The following LRP1B variants were observed in gnomAD, a reference collection of about 807,000 sequenced individuals.
The protein encoded by LRP1B is LDL receptor related protein 1B, also known as low-density lipoprotein receptor-related protein 1B.
In LRP1B, 217 loss-of-function variants were observed where a neutral mutation model predicts 556.6. The observed-to-expected ratio is 0.39, with a 90% CI of 0.35 to 0.44. The LOEUF (loss-of-function observed/expected upper bound fraction) is 0.44, where lower values mean the gene tolerates loss of function less well. Ranked by LOEUF, LRP1B falls within the 20% of genes least tolerant of loss-of-function variation. LRP1B has a pLI of 1.00. For missense variants in LRP1B, 5,053 were observed against 5,620.8 expected (o/e 0.90, Z 3.23); for synonymous variants, 2,047 against 1,865.8 (o/e 1.10, Z -2.50).
chr2:140,801,580 TA>T (rs1690513724), intron 32 of LRP1B, among the ~76,000 whole-genome samples: 1 of 69,900 alleles, frequency 1.4e-5, no homozygotes, highest in Admixed American at 1.5e-4. Context: ...CAAATCTTAC[TA>T]ATTTTTTTTT....
chr2:140,320,523 T>C (rs944486009), intron 82 of LRP1B, among the ~76,000 whole-genome samples: 13 of 152,014 alleles, frequency 8.6e-5, no homozygotes, highest in African/African-American at 3.1e-4. Context: ...AACCCTGCCA[T>C]GAATAATGTC....
chr2:140,414,318 T>G (rs1421172162), intron 66 of LRP1B, among the ~76,000 whole-genome samples: 3 of 152,204 alleles, frequency 2.0e-5, no homozygotes, highest in African/African-American at 7.2e-5. Flanking sequence ...AGTTATTTAG[T>G]TTCAGCTTCC....
chr2:141,897,614 C>T (rs886274073), intron 1 of LRP1B, among the ~76,000 whole-genome samples: 1 of 152,102 alleles, frequency 6.6e-6, no homozygotes, highest in South Asian at 2.1e-4. Flanking sequence ...TTTTCCAGTT[C>T]CATTTTGTCT....
intron 37 of LRP1B, among the ~76,000 whole-genome samples, chr2:140,712,342 G>T (rs12691557): frequency 0.19 from 29,318 of 151,698 alleles, 3,077 homozygotes; most frequent in African/African-American, 0.27. Flanking sequence ...TCCCCTTTTC[G>T]ACTGACTATG....
intron 83 of LRP1B, among the ~76,000 whole-genome samples, chr2:140,299,153 T>G (rs1683716939): frequency 6.6e-6 from 1 of 152,104 alleles, no homozygotes; most frequent in African/African-American, 2.4e-5. Context: ...TTACTAAGAC[T>G]TAAGTGTGAA....
At chr2:141,213,179 C>A (rs1226589376) in intron 6 of LRP1B, among the ~76,000 whole-genome samples, 3 of 151,648 alleles carry the variant, frequency 2.0e-5, no homozygotes, top group African/African-American at 7.3e-5. Context: ...CTTGAACCCC[C>A]AGGCTGATGT....
At chr2:141,335,451 T>C (rs1687814002) in intron 3 of LRP1B, among the ~76,000 whole-genome samples, 1 of 151,904 alleles carries the variant, frequency 6.6e-6, no homozygotes, top group Non-Finnish European at 1.5e-5. Context: ...TGAAATAGAG[T>C]AGTTTAGGGT....
At chr2:140,711,574 T>C (rs1484010895) in intron 37 of LRP1B, among the ~76,000 whole-genome samples, 3 of 129,624 alleles carry the variant, frequency 2.3e-5, no homozygotes, top group Non-Finnish European at 3.5e-5. Context: ...TTTTCTTTAC[T>C]ACCCGTACAT....
intron 27 of LRP1B, among the ~76,000 whole-genome samples, chr2:140,858,816 T>TAAG (rs76935959): frequency 0.014 from 2,152 of 152,234 alleles, 26 homozygotes; most frequent in Non-Finnish European, 0.023. Flanking sequence ...CTCCCACTTA[T>TAAG]AAGTGCGAAT....
At chr2:141,722,542 G>A (rs1214060890) in intron 2 of LRP1B, among the ~76,000 whole-genome samples, 1 of 152,092 alleles carries the variant, frequency 6.6e-6, no homozygotes, top group Non-Finnish European at 1.5e-5. Flanking sequence ...TATTTTCTAT[G>A]TAGAATAATA....
chr2:141,144,691 A>C (rs1422340913), intron 7 of LRP1B, among the ~76,000 whole-genome samples: 3 of 152,172 alleles, frequency 2.0e-5, no homozygotes, highest in Non-Finnish European at 4.4e-5. Flanking sequence ...TAAAAGTACC[A>C]TCAGGCACAA....
At chr2:141,151,018 T>C (rs1269168510) in intron 7 of LRP1B, among the ~76,000 whole-genome samples, 1 of 152,036 alleles carries the variant, frequency 6.6e-6, no homozygotes, top group Non-Finnish European at 1.5e-5. Context: ...ACTATTTTAG[T>C]AGTAGAGATA....
At chr2:141,690,426 T>A (rs1380710540) in intron 2 of LRP1B, among the ~76,000 whole-genome samples, 1 of 133,834 alleles carries the variant, frequency 7.5e-6, no homozygotes, top group South Asian at 2.4e-4. Context: ...TATATATATA[T>A]ATATATATAT....
At chr2:141,117,088 G>A (rs1186885082) in intron 7 of LRP1B, among the ~76,000 whole-genome samples, 1 of 151,908 alleles carries the variant, frequency 6.6e-6, no homozygotes, top group African/African-American at 2.4e-5. Flanking sequence ...ATTCAGGAAT[G>A]CCCCAAGTAT....
At chr2:141,680,850 T>A (rs1263867166) in intron 2 of LRP1B, among the ~76,000 whole-genome samples, 6 of 152,180 alleles carry the variant, frequency 3.9e-5, no homozygotes, top group African/African-American at 1.4e-4. Flanking sequence ...AAAAATATAA[T>A]CTAGTAGTTT....
chr2:141,964,211 C>A (rs1169085539), intron 1 of LRP1B, among the ~76,000 whole-genome samples: 1 of 150,476 alleles, frequency 6.6e-6, no homozygotes, highest in East Asian at 2.0e-4. Flanking sequence ...ATCAAGCTAC[C>A]AATGACTTTC....
chr2:141,554,532 C>T (rs1195573141), intron 2 of LRP1B, among the ~76,000 whole-genome samples: 2 of 151,512 alleles, frequency 1.3e-5, no homozygotes, highest in Non-Finnish European at 2.9e-5. Context: ...TAACTTTATA[C>T]CACTCATATA....
At chr2:141,539,439 AT>A (rs1206480564) in intron 2 of LRP1B, among the ~76,000 whole-genome samples, 1 of 152,132 alleles carries the variant, frequency 6.6e-6, no homozygotes, top group African/African-American at 2.4e-5. Flanking sequence ...GAAAAATTTT[AT>A]TGTTCCCATT....
At chr2:140,505,695 C>T (rs1015842323) in intron 53 of LRP1B, among the ~76,000 whole-genome samples, 1 of 152,120 alleles carries the variant, frequency 6.6e-6, no homozygotes, top group Non-Finnish European at 1.5e-5. Context: ...TGTAAGACTT[C>T]ACGCTGAAAT....
Sources: gnomAD v4.1 joint callset for allele counts (sites outside exome capture counted in the v4.1 genomes callset) on GRCh38, gnomAD v4.1.1 for gene constraint, MANE v1.5 for transcripts, NCBI Gene and HGNC (gene_info 2026-07-23, HGNC 2026-07-21) for gene names.